The following PLXNA4 variants were observed in gnomAD, a reference collection of about 807,000 sequenced individuals.
PLXNA4 encodes plexin-A4.
Under a neutral mutation model 191.8 loss-of-function variants are expected in PLXNA4, and 44 were observed. The observed-to-expected ratio is 0.23, with a 90% confidence interval of 0.18 to 0.29. The LOEUF is 0.29. PLXNA4 is among the 10% of genes least tolerant of loss of function. The pLI is 1.00. For synonymous variants in PLXNA4, 1,082 were observed against 1,009.5 expected (o/e 1.07, Z -1.36); for missense variants, 1,800 against 2,488.8 (o/e 0.72, Z 5.89).
chr7:132,291,604 G>A (rs1027513933), intron 4 of PLXNA4, among the ~76,000 whole-genome samples: 2 of 152,102 alleles, frequency 1.3e-5, no homozygotes, highest in South Asian at 2.1e-4. Context: ...TAGCATTTGT[G>A]TGCAGATATG....
intron 1 of PLXNA4, among the ~76,000 whole-genome samples, chr7:132,540,458 C>T (rs951598974): frequency 2.0e-5 from 3 of 151,918 alleles, no homozygotes; most frequent in African/African-American, 7.3e-5. Flanking sequence ...TCCGTGGGCC[C>T]AGGCAAACAT....
chr7:132,272,018 G>C (rs1444377133), intron 4 of PLXNA4, among the ~76,000 whole-genome samples: 3 of 152,108 alleles, frequency 2.0e-5, no homozygotes, highest in Non-Finnish European at 4.4e-5. Flanking sequence ...GAAGGAAGGA[G>C]GGATCAGAGC....
At chr7:132,339,329 T>A (rs1452438679) in intron 3 of PLXNA4, among the ~76,000 whole-genome samples, 8 of 152,184 alleles carry the variant, frequency 5.3e-5, no homozygotes, top group Admixed American at 1.3e-4. Flanking sequence ...TCATCCCCCA[T>A]CTAATGTTTC....
At chr7:132,234,767 C>T (rs1798642933) in intron 5 of PLXNA4, among the ~76,000 whole-genome samples, 1 of 152,040 alleles carries the variant, frequency 6.6e-6, no homozygotes, top group African/African-American at 2.4e-5. Context: ...GGACTCATTT[C>T]TTTGGAACAG....
At chr7:132,273,527 A>G (rs1401842622) in intron 4 of PLXNA4, among the ~76,000 whole-genome samples, 1 of 152,154 alleles carries the variant, frequency 6.6e-6, no homozygotes, top group Non-Finnish European at 1.5e-5. Context: ...GATGAACAGC[A>G]AGATCCTCAC....
rs367658994 is a variant in PLXNA4 at position 132,132,497 on chromosome 7, T to TTCTATTCTATTCTATTCTATTCTATTCTA, written c.5589+551_5589+552insTAGAATAGAATAGAATAGAATAGAATAGA. 6.3e-4 allele frequency among the ~76,000 whole-genome samples: 71 copies of TTCTATTCTATTCTATTCTATTCTATTCTA among 111,912 alleles called. 2 individuals carry two copies. Among genetic ancestry groups the TTCTATTCTATTCTATTCTATTCTATTCTA allele is most frequent in the Middle Eastern group, 8.8e-3 (2 of 228 alleles). 73.4% of individuals were successfully genotyped at this position (111,912 alleles called of 152,430 possible). A position where few individuals can be genotyped will look rare whatever the true frequency, so the allele number is the denominator to read the frequency against. On this transcript the variant is annotated intron_variant, in intron 31 of 31. Transcript: ENST00000321063. ...GCTCTGCTCTGCTCTGCTCTATTCT[T>TTCTATTCTATTCTATTCTATTCTATTCTA]TTCTATTCTATTCTATTCTATTCTA...
In PLXNA4 at chr7:132,217,962, G is replaced by T. The variant is rs531192584; in HGVS notation, c.2097+5565C>A. Among the ~76,000 whole-genome samples the T allele has an allele frequency of 1.2e-4, 15 of 127,080 alleles. No homozygotes were observed. In the East Asian group the frequency reaches 2.7e-3, roughly 23 times the overall value. 83.4% of individuals were successfully genotyped at this position (127,080 alleles called of 152,430 possible). A position where few individuals can be genotyped will look rare whatever the true frequency, so the allele number is the denominator to read the frequency against. ...GTGAAAGGCATGGCAGGGGTGGTTT[G>T]GTTCCCTTGGGTTGGATCCCAGGAA... On this transcript the variant is annotated intron_variant, in intron 9 of 31. Coordinates refer to ENST00000321063, the MANE Select transcript of PLXNA4 (RefSeq NM_020911.2).
intron 2 of PLXNA4, among the ~76,000 whole-genome samples, chr7:132,618,953 G>T (rs1258455564): frequency 6.6e-6 from 1 of 152,124 alleles, no homozygotes. Flanking sequence ...TGGACATCAT[G>T]AAATTAAAAA....
In PLXNA4 at chr7:132,130,501, G is replaced by A. The variant is rs1163702006; in HGVS notation, c.5663C>T (p.Thr1888Ile). 47 of 1,614,074 alleles carry A rather than the reference G, an allele frequency of 2.9e-5. No individual in the cohort carries two copies. In the East Asian group the frequency reaches 1.0e-3, roughly 35 times the overall value. ...TTCTCAGCTGTCTAAGCTCATGAGG[G>A]TTATGACTTGTTCTAGTTTGTAGGC... ...KLAYKLEQVITLMSLDS is the reference protein window; with the variant it reads ...KLAYKLEQVIILMSLDS Residue 1888 changes from threonine to isoleucine, a missense_variant, in exon 32 of 32, where the codon ACC becomes ATC. Around this residue, in one of 6 missense-constraint regions of PLXNA4, gnomAD observed 83 missense variants for 81.6 expected, o/e 1.02. Coordinates refer to ENST00000321063, the MANE Select transcript of PLXNA4 (RefSeq NM_020911.2).
At chr7:132,153,807 G>A (rs1025655401) in intron 25 of PLXNA4, among the ~76,000 whole-genome samples, 1 of 152,190 alleles carries the variant, frequency 6.6e-6, no homozygotes, top group African/African-American at 2.4e-5. Context: ...AGACATGCAG[G>A]TGGGCCCAAG....
At chr7:132,516,867 T>C (rs1236453033) in intron 1 of PLXNA4, among the ~76,000 whole-genome samples, 4 of 152,154 alleles carry the variant, frequency 2.6e-5, no homozygotes, top group Non-Finnish European at 5.9e-5. Flanking sequence ...GGCAGGAGAA[T>C]CACTTGAGCT....
At chr7:132,218,624 GTC>G (rs1798044953) in intron 9 of PLXNA4, among the ~76,000 whole-genome samples, 1 of 152,322 alleles carries the variant, frequency 6.6e-6, no homozygotes, top group Admixed American at 6.5e-5. Flanking sequence ...CTGATGGGAG[GTC>G]CAGGTTGGCC....
At chr7:132,315,600 G>A (rs1203590786) in intron 3 of PLXNA4, among the ~76,000 whole-genome samples, 3 of 152,136 alleles carry the variant, frequency 2.0e-5, no homozygotes, top group African/African-American at 7.2e-5. Flanking sequence ...CAGATATTCT[G>A]GTTAAAACCC....
intron 1 of PLXNA4, among the ~76,000 whole-genome samples, chr7:132,530,934 T>C (rs1271722559): frequency 6.6e-6 from 1 of 152,230 alleles, no homozygotes; most frequent in African/African-American, 2.4e-5. Flanking sequence ...TCTAAATGAA[T>C]GAACCTTAAA....
rs501779 is a variant in PLXNA4, at chr7:132,641,106, T to C, written c.-87+4822A>G. Reference sequence around the variant, plus strand: ...TTGACATTCATCATACAAACGGATGTTGATGCTTCCATGCTTGCCTGTGAT... The same window carrying C: ...TTGACATTCATCATACAAACGGATGCTGATGCTTCCATGCTTGCCTGTGAT... On this transcript the variant is annotated intron_variant, in intron 2 of 4. Transcript: ENST00000378539. Among the ~76,000 whole-genome samples, 1,222 of 152,334 alleles carry C rather than the reference T, an allele frequency of 8.0e-3. 22 individuals are homozygous for C. The highest frequency in any genetic ancestry group is 0.028 in the African/African-American group (1,163 of 41,572).
chr7:132,576,637 G>A (rs1365456401), upstream of PLXNA4: 37 of 981,392 alleles, frequency 3.8e-5, no homozygotes, highest in East Asian at 1.1e-4. The surrounding 1 kb of genome is among the most constrained non-coding windows in gnomAD (Gnocchi z 5.8). Flanking sequence ...GAGCCTGCGG[G>A]GCTTGACAGC....
chr7:132,165,041 G>A, intron 23 of PLXNA4, 93 bp downstream of exon 23: 1 of 1,517,936 alleles, frequency 6.6e-7, no homozygotes, highest in Non-Finnish European at 8.9e-7. Flanking sequence ...GCCAGGCCCA[G>A]TAAGGGAGGA....
At chr7:132,245,947 A>G (rs1004249696) in intron 4 of PLXNA4, among the ~76,000 whole-genome samples, 1 of 152,174 alleles carries the variant, frequency 6.6e-6, no homozygotes, top group East Asian at 1.9e-4. Flanking sequence ...AGGAATAAGG[A>G]GTTACTCTTT....
rs192018260 is a variant in PLXNA4, at chr7:132,150,474, T to C, written c.4661-1828A>G. ...CACTTGCATGGTGAGTGGCACCTGG[T>C]TAAGTCAGAGGCTACATAGGGGTGG... On this transcript the variant is annotated intron_variant, in intron 25 of 31. Transcript: ENST00000321063. 2.6e-3 allele frequency among the ~76,000 whole-genome samples: 399 copies of C among 152,258 alleles called. 2 individuals carry two copies. Among genetic ancestry groups the C allele is most frequent in the Non-Finnish European group, 3.4e-3 (229 of 68,016 alleles).
Sources: allele counts gnomAD v4.1 joint callset (sites outside exome capture counted in the v4.1 genomes callset), GRCh38; gene constraint gnomAD v4.1.1; regional missense constraint gnomAD v4.1.1; non-coding constraint Gnocchi (gnomAD v3.1); transcripts MANE v1.5; gene names NCBI Gene and HGNC (gene_info 2026-07-23, HGNC 2026-07-21).